F8: variants seen among roughly 807,000 people sequenced by gnomAD.
F8 encodes antihemophilic factor.
In F8, 12 loss-of-function variants were observed where a neutral mutation model predicts 140.6. That is an observed-to-expected ratio of 0.09 (90% CI 0.05 to 0.14). The LOEUF is 0.14. F8 is among the 10% of genes least tolerant of loss of function. F8 has a pLI of 1.00. For synonymous variants in F8, 585 were observed against 614.6 expected, an observed-to-expected ratio of 0.95 and a Z score of 0.71; for missense variants, 1,354 against 1,720.7, an observed-to-expected ratio of 0.79 and a Z score of 3.77.
intron 14 of F8, among the ~76,000 whole-genome samples, chrX:154,917,891 G>T (rs1205645116): frequency 8.9e-6 from 1 of 111,789 alleles, no homozygotes; most frequent in African/African-American, 3.3e-5. Context: ...TGATTTGAGA[G>T]CTACAATTTG....
rs1316149441 is a variant in F8, at chrX:154,931,269, G to A, written c.2521C>T (p.Pro841Ser). ...KYETFSDDPSPGAIDSNNSLS... is the reference protein window; with the variant it reads ...KYETFSDDPSSGAIDSNNSLS... ...CTGTTATTACTGTCTATTGCTCCAG[G>A]TGATGGATCATCAGAAAAAGTCTCA... The change falls in exon 14 of 26, where the codon CCT becomes TCT. Residue 841 changes from proline to serine, a missense_variant. Around this residue, in one of 4 missense-constraint regions of F8, gnomAD observed 658 missense variants for 666.5 expected, o/e 0.99. Coordinates refer to ENST00000360256, the MANE Select transcript of F8 (RefSeq NM_000132.4). 2.9e-5 allele frequency: 35 copies of A among 1,209,440 alleles called. No individual in the cohort carries two copies. Among genetic ancestry groups the A allele is most frequent in the Non-Finnish European group, 3.4e-5 (30 of 894,896 alleles).
intron 20 of F8, among the ~76,000 whole-genome samples, chrX:154,900,851 C>T (rs1408341747): frequency 8.9e-6 from 1 of 111,954 alleles, no homozygotes; most frequent in Non-Finnish European, 1.9e-5. Context: ...TGGCTGTGTT[C>T]CAAAATAAGG....
intron 1 of F8, among the ~76,000 whole-genome samples, chrX:155,013,320 T>C (rs782597175): frequency 1.2e-3 from 137 of 110,478 alleles, no homozygotes; most frequent in African/African-American, 4.4e-3. Context: ...GTTCACATTA[T>C]AGTGAATAAG....
intron 25 of F8, 100 bp from the exon 26 acceptor site, chrX:154,837,852 G>A (rs1005867077): frequency 3.5e-6 from 3 of 845,597 alleles, no homozygotes; most frequent in Non-Finnish European, 3.5e-6. Flanking sequence ...CAGTAGTCCA[G>A]GATTAAACCC....
At position 154,894,644 on chromosome X, in the gene F8, G is replaced by A. The variant is rs140767190; in HGVS notation, c.6429+1433C>T. ...TGAGGCAGGAGAATCACTTGAGCCCGGGAGGCAGAGGTTGCAGTGAGCCGA... is the reference window on the plus strand; with the variant it reads ...TGAGGCAGGAGAATCACTTGAGCCCAGGAGGCAGAGGTTGCAGTGAGCCGA... On this transcript the variant is annotated intron_variant, in intron 22 of 25. Transcript: ENST00000360256. Among the ~76,000 whole-genome samples, 1,591 of 109,409 alleles carry A rather than the reference G, an allele frequency of 0.015. 149 individuals are homozygous for A. In the East Asian group the frequency reaches 0.34, roughly 23 times the overall value.
intron 22 of F8, among the ~76,000 whole-genome samples, chrX:154,867,029 G>C (rs933760811): frequency 9.0e-6 from 1 of 111,690 alleles, no homozygotes; most frequent in East Asian, 2.8e-4. Flanking sequence ...TACAACTGAT[G>C]TCACAGAAAC....
At chrX:155,000,344 CAA>C (rs782405154) in intron 1 of F8, among the ~76,000 whole-genome samples, 1 of 111,917 alleles carries the variant, frequency 8.9e-6, no homozygotes, top group South Asian at 3.7e-4. Context: ...GTAGAAATTA[CAA>C]AGTGGTTGAA....
intron 14 of F8, among the ~76,000 whole-genome samples, chrX:154,927,637 A>T (rs1009238099): frequency 8.9e-6 from 1 of 112,511 alleles, no homozygotes; most frequent in Non-Finnish European, 1.9e-5. Context: ...ATAGAGGTCC[A>T]GGAGAATGAG....
intron 22 of F8, among the ~76,000 whole-genome samples, chrX:154,867,266 C>T (rs971447243): frequency 7.1e-5 from 8 of 111,899 alleles, no homozygotes; most frequent in African/African-American, 9.7e-5. Flanking sequence ...AAACATTCAA[C>T]GAAGTATTAA....
chrX:154,952,158 A>ATTATTCC (rs1259851842), intron 12 of F8, among the ~76,000 whole-genome samples: 1 of 112,341 alleles, frequency 8.9e-6, no homozygotes, highest in East Asian at 2.8e-4. Flanking sequence ...TTCTAAACCA[A>ATTATTCC]AGCCATGAGG....
intron 7 of F8, among the ~76,000 whole-genome samples, chrX:154,967,765 A>G (rs781874086): frequency 1.8e-5 from 2 of 112,304 alleles, no homozygotes; most frequent in South Asian, 7.3e-4. Flanking sequence ...TGTGCCTGCA[A>G]GAATGTTGTT....
intron 10 of F8, among the ~76,000 whole-genome samples, chrX:154,959,309 C>T (rs922027091): frequency 9.0e-6 from 1 of 110,959 alleles, no homozygotes; most frequent in Non-Finnish European, 1.9e-5. Context: ...TAGCCTGAGC[C>T]TGGGAGGCAG....
At chrX:154,917,314 A>G (rs1358554285) in intron 14 of F8, among the ~76,000 whole-genome samples, 1 of 111,331 alleles carries the variant, frequency 9.0e-6, no homozygotes, top group Non-Finnish European at 1.9e-5. Flanking sequence ...ATATTCCCGG[A>G]TGAACTGGAG....
chrX:154,985,014 C>T (rs1359703035), intron 5 of F8, among the ~76,000 whole-genome samples: 1 of 112,228 alleles, frequency 8.9e-6, no homozygotes, highest in Non-Finnish European at 1.9e-5. Flanking sequence ...AACTGATTTT[C>T]TCTCCCTCCA....
chrX:154,874,576 C>G (rs2072797740), intron 22 of F8, among the ~76,000 whole-genome samples: 1 of 112,206 alleles, frequency 8.9e-6, no homozygotes, highest in Non-Finnish European at 1.9e-5. Flanking sequence ...TCCTCATAAC[C>G]TAAACATCTC....
rs377280931 is a variant in F8, at chrX:154,929,342, G to T, written c.4448C>A (p.Thr1483Lys). ...GDQREVGSLG[T>K]SATNSVTYKK... is the part of the protein sequence containing the mutation. ...GTATGTGACTGAATTTGTGGCACTT[G>T]TCCCCAGGGAGCCAACCTCTCTTTG... Residue 1483 changes from threonine (T) to lysine (K), a missense_variant, in exon 14 of 26, where the codon ACA becomes AAA. Physicochemically the swap from Thr to Lys is moderately conservative, Grantham distance 78. Around this residue, in one of 4 missense-constraint regions of F8, gnomAD observed 658 missense variants for 666.5 expected, o/e 0.99. Coordinates refer to ENST00000360256, the MANE Select transcript of F8 (RefSeq NM_000132.4). The T allele has an allele frequency of 2.5e-6, 3 of 1,210,299 alleles. No homozygotes were observed. In the African/African-American group the frequency reaches 5.2e-5, roughly 21 times the overall value.
At chrX:154,966,761 T>G in intron 7 of F8, 74 bp from the exon 8 acceptor site, 1 of 1,115,603 alleles carries the variant, frequency 9.0e-7, no homozygotes, top group African/African-American at 1.8e-5. Context: ...GACTAGGTAA[T>G]TTATAAAGAA....
intron 18 of F8, among the ~76,000 whole-genome samples, chrX:154,903,330 A>G (rs782140008): frequency 9.0e-6 from 1 of 110,973 alleles, no homozygotes; most frequent in Non-Finnish European, 1.9e-5. Flanking sequence ...GACTACAGGT[A>G]TATACCACAT....
At chrX:154,839,986 G>A (rs1471333011) in intron 25 of F8, among the ~76,000 whole-genome samples, 2 of 112,336 alleles carry the variant, frequency 1.8e-5, no homozygotes, top group African/African-American at 6.5e-5. Flanking sequence ...TGTATTTGGA[G>A]GCTTTGTACA....
Sources: gnomAD v4.1 joint callset for allele counts (sites outside exome capture counted in the v4.1 genomes callset) on GRCh38, gnomAD v4.1.1 for gene constraint, gnomAD v4.1.1 regional missense constraint, MANE v1.5 for transcripts, NCBI Gene and HGNC (gene_info 2026-07-23, HGNC 2026-07-21) for gene names.